VWDE: variants seen among roughly 807,000 people sequenced by gnomAD.
VWDE encodes the protein von Willebrand factor D and EGF domains.
VWDE carries 207 observed loss-of-function variants against 178.4 expected under a neutral mutation model. The observed-to-expected ratio is 1.16, with a 90% CI of 1.04 to 1.30. The LOEUF is 1.30. VWDE is among the 50% of genes most tolerant of loss of function. VWDE has a pLI of 0.00. For missense variants in VWDE, 2,287 were observed against 1,901.3 expected, an observed-to-expected ratio of 1.20 and a Z score of -3.77; for synonymous variants, 738 against 651.4, an observed-to-expected ratio of 1.13 and a Z score of -2.02.
chr7:12,371,839 CT>C (rs1382530797), intron 10 of VWDE, among the ~76,000 whole-genome samples: 5 of 152,042 alleles, frequency 3.3e-5, no homozygotes, highest in African/African-American at 1.2e-4. Flanking sequence ...TTAGTTAAAC[CT>C]GTTTATTGAT....
chr7:12,393,743 G>A lies in VWDE; in HGVS notation c.94C>T (p.Arg32Trp), dbSNP rs747757360. 36 of 1,550,568 alleles carry A rather than the reference G, an allele frequency of 2.3e-5. No homozygotes were observed. The highest frequency in any genetic ancestry group is 8.2e-5 in the African/African-American group (6 of 72,932). The change falls in exon 2 of 29, where the codon CGG becomes TGG. Residue 32 changes from arginine to tryptophan, a missense_variant. By Grantham distance (101) the Arg-to-Trp change is moderately radical (BLOSUM62 -3). Coordinates refer to ENST00000275358, the MANE Select transcript of VWDE (RefSeq NM_001135924.3). ...ECSPGGHQFLRSPYRSVRFDS... is the reference protein window; with the variant it reads ...ECSPGGHQFLWSPYRSVRFDS... ...AAACGGACACTTCTATAAGGACTCC[G>A]AAGAAACTGGTGTCCCCCAGGAGAG...
chr7:12,389,332 G>T lies in VWDE; in HGVS notation c.270C>A (p.Pro90=). 1.9e-6 allele frequency: 3 copies of T among 1,548,872 alleles called. No individual in the cohort carries two copies. Among genetic ancestry groups the T allele is most frequent in the Non-Finnish European group, 2.6e-6 (3 of 1,144,664 alleles). The change falls in exon 3 of 29, where the codon CCC becomes CCA. Residue 90 remains proline, a synonymous_variant. Coordinates refer to ENST00000275358, the MANE Select transcript of VWDE (RefSeq NM_001135924.3). ...VEMNHCGTQA[P]IWLSLRDSET... is the part of the protein sequence containing the mutation. ...CTGAATCTCTCAGAGACAGCCAGAT[G>T]GGGGCCTGAGTTCCACAATGGTTCA...
At chr7:12,356,070 G>T in intron 18 of VWDE, 41 bp downstream of exon 18, 1 of 1,498,524 alleles carries the variant, frequency 6.7e-7, no homozygotes, top group South Asian at 1.2e-5. Flanking sequence ...GTGTTTCAAG[G>T]AGCTTTTCTT....
At position 12,403,659 on chromosome 7, in the gene VWDE, CT is replaced by C. The variant is rs1281026344; in HGVS notation, c.57del (p.Ala20LeufsTer34). 1 of 1,543,848 alleles carries C rather than the reference CT, an allele frequency of 6.5e-7. No homozygotes were observed. The highest frequency in any genetic ancestry group is 8.7e-7 in the Non-Finnish European group (1 of 1,145,752). Reference protein sequence around the residue: ...VIALMFLAWGEAQECSPGGHQ... With the variant: ...VIALMFLAWGXAQECSPGGHQ... Reference sequence around the variant, plus strand: ...CCCCCGCGCGCCCTACCTCGCTTACCTTCCCCCCAGGCCAGGAACATCAGCG... The same window carrying C: ...CCCCCGCGCGCCCTACCTCGCTTACCTCCCCCCAGGCCAGGAACATCAGCG... On this transcript the variant is annotated frameshift_variant and splice_region_variant, in exon 1 of 29. Transcript: ENST00000275358. LOFTEE classifies it high-confidence loss of function.
At chr7:12,355,013 T>C (rs1463327281) in intron 18 of VWDE, among the ~76,000 whole-genome samples, 1 of 152,214 alleles carries the variant, frequency 6.6e-6, no homozygotes, top group African/African-American at 2.4e-5. Context: ...CATACGTGGA[T>C]GGTAGCCTTT....
chr7:12,396,574 G>T (rs1046248505), intron 1 of VWDE, among the ~76,000 whole-genome samples: 4 of 152,084 alleles, frequency 2.6e-5, no homozygotes, highest in African/African-American at 4.8e-5. Flanking sequence ...ATTCAAAATA[G>T]AATTTTGTTG....
intron 27 of VWDE, among the ~76,000 whole-genome samples, chr7:12,335,605 G>A (rs1381338681): frequency 6.6e-6 from 1 of 152,010 alleles, no homozygotes; most frequent in Non-Finnish European, 1.5e-5. Context: ...ACAGGCGCCT[G>A]CCACCACGCC....
chr7:12,364,891 T>C (rs1782776103), intron 13 of VWDE, among the ~76,000 whole-genome samples: 1 of 151,864 alleles, frequency 6.6e-6, no homozygotes, highest in South Asian at 2.1e-4. Flanking sequence ...ACCCCTTAAG[T>C]AAGTGATCAA....
At chr7:12,400,271 T>G (rs990266583) in intron 1 of VWDE, among the ~76,000 whole-genome samples, 1 of 151,950 alleles carries the variant, frequency 6.6e-6, no homozygotes, top group African/African-American at 2.4e-5. Flanking sequence ...GAAAAATCAG[T>G]GAAACCAAAA....
intron 2 of VWDE, among the ~76,000 whole-genome samples, chr7:12,393,336 T>C (rs1784473818): frequency 6.6e-6 from 1 of 152,164 alleles, no homozygotes; most frequent in Admixed American, 6.5e-5. Context: ...ATGGAAATGA[T>C]GATAGATTGT....
chr7:12,382,203 T>A (rs1405992180), intron 4 of VWDE, among the ~76,000 whole-genome samples: 1 of 151,832 alleles, frequency 6.6e-6, no homozygotes. Context: ...ATTAATTGCA[T>A]AAATGTTCTA....
rs192214665 is a variant in VWDE, at chr7:12,388,850, A to G, written c.475+277T>C. 6.8e-6 allele frequency: 4 copies of G among 588,232 alleles called. No homozygotes were observed. In the African/African-American group the frequency reaches 7.5e-5, roughly 11 times the overall value. The allele number at this position is 588,232 out of a possible 1,614,324, so 36.4% of individuals were successfully genotyped here. On this transcript the variant is annotated intron_variant, in intron 3 of 28. Transcript: ENST00000275358. Reference sequence around the variant, plus strand: ...TTAAAACAGGAATGGACTTGAGGAAACCAAAGAATTTTTAACACACTCAAT... The same window carrying G: ...TTAAAACAGGAATGGACTTGAGGAAGCCAAAGAATTTTTAACACACTCAAT...
chr7:12,393,479 T>C (rs1339308101), intron 2 of VWDE, 115 bp downstream of exon 2: 5 of 902,286 alleles, frequency 5.5e-6, no homozygotes, highest in South Asian at 2.1e-5. Context: ...ATTAACTCAA[T>C]ACAAAATTAA....
chr7:12,401,766 A>G (rs992822722), intron 1 of VWDE, among the ~76,000 whole-genome samples: 1 of 152,166 alleles, frequency 6.6e-6, no homozygotes, highest in African/African-American at 2.4e-5. Context: ...GAGTTACCCT[A>G]TGACCCGGTA....
At position 12,374,732 on chromosome 7, in the gene VWDE, A is replaced by G. The variant is rs1331371141; in HGVS notation, c.1273T>C (p.Cys425Arg). The part of the protein sequence containing the change: ...IKVKDVPTAY[C>R]YTFTDPHIIT... ...ATATGTGGGTCAGTAAATGTATAGC[A>G]GTAAGCAGTTGGGACATCCTTTACT... Residue 425 changes from cysteine to arginine, a missense_variant, in exon 9 of 29, where the codon TGC becomes CGC. Transcript: ENST00000275358. 21 of 1,540,768 alleles carry G rather than the reference A, an allele frequency of 1.4e-5. No individual in the cohort carries two copies. The highest frequency in any genetic ancestry group is 1.7e-5 in the Non-Finnish European group (20 of 1,143,026).
At chr7:12,393,428 C>T (rs1784479077) in intron 2 of VWDE, among the ~76,000 whole-genome samples, 166 bp downstream of exon 2, 1 of 152,036 alleles carries the variant, frequency 6.6e-6, no homozygotes, top group Non-Finnish European at 1.5e-5. Context: ...CTAACAATTA[C>T]TATTATTATT....
chr7:12,383,342 CT>C (rs553012137), intron 4 of VWDE, among the ~76,000 whole-genome samples, 193 bp downstream of exon 4: 26 of 152,070 alleles, frequency 1.7e-4, no homozygotes, highest in Non-Finnish European at 2.6e-4. Context: ...GTTTGCCTAA[CT>C]CTCTGTACCT....
intron 1 of VWDE, among the ~76,000 whole-genome samples, chr7:12,402,070 T>G (rs923974416): frequency 6.6e-6 from 1 of 152,198 alleles, no homozygotes; most frequent in Admixed American, 6.5e-5. Flanking sequence ...TGATTCAGTT[T>G]ACATAAAATA....
At chr7:12,382,711 G>A (rs190944819) in intron 4 of VWDE, among the ~76,000 whole-genome samples, 2 of 151,338 alleles carry the variant, frequency 1.3e-5, no homozygotes, top group Middle Eastern at 3.2e-3. Flanking sequence ...TATCCTATTT[G>A]GCTAACAAAA....
Sources: allele counts gnomAD v4.1 joint callset (sites outside exome capture counted in the v4.1 genomes callset), GRCh38; gene constraint gnomAD v4.1.1; transcripts MANE v1.5; gene names NCBI Gene and HGNC (gene_info 2026-07-23, HGNC 2026-07-21).